Variants in IL17C observed in about 807,000 individuals in gnomAD.
IL17C encodes the protein interleukin-17C.
A neutral mutation model predicts 11.0 loss-of-function variants in IL17C; 13 were observed. The ratio of observed to expected loss-of-function variants is 1.18; its 90% CI spans 0.77 to 1.88. The LOEUF (loss-of-function observed/expected upper bound fraction) is 1.88. Ranked by LOEUF, IL17C falls within the 40% of genes most tolerant of loss-of-function variation. The pLI is 0.00. For synonymous variants in IL17C, 150 were observed against 125.8 expected, an observed-to-expected ratio of 1.19 and a Z score of -1.29; for missense variants, 357 against 278.2, an observed-to-expected ratio of 1.28 and a Z score of -2.01.
At chr16:88,638,798 C>T in intron 1 of IL17C, 151 bp downstream of exon 1, 1 of 1,299,212 alleles carries the variant, frequency 7.7e-7, no homozygotes, top group Admixed American at 1.8e-5. Flanking sequence ...GCTGCAGATC[C>T]TCGGAGCGCT....
Position 88,638,579 on chromosome 16 carries a change from C to G in IL17C, c.-63C>G. 1 of 1,610,286 alleles carries G rather than the reference C, an allele frequency of 6.2e-7. No individual in the cohort carries two copies. Among genetic ancestry groups the G allele is most frequent in the Non-Finnish European group, 8.5e-7 (1 of 1,179,210 alleles). ...GCTGCCAGGTGCATGGCCAGGTGCA[C>G]CTGTGGGATTGCCGCCAGGTGTGCA... On this transcript the variant is annotated 5_prime_UTR_variant, in exon 1 of 3. Coordinates refer to ENST00000244241, the MANE Select transcript of IL17C (RefSeq NM_013278.4).
At position 88,639,422 on chromosome 16, in the gene IL17C, GC is replaced by G; in HGVS notation, c.335+115del. On this transcript the variant is annotated intron_variant, in intron 2 of 2. Transcript: ENST00000244241. The surrounding 1 kb of genome is among the most constrained non-coding windows in gnomAD (Gnocchi z 5.1). ...GGTTCTCACCTGTCAAGTGGGCGTG[GC>G]CACCTGAGCTCCCTCCCTCCGGCCC... 9.5e-7 allele frequency: 1 copy of G among 1,049,690 alleles called. No individual in the cohort carries two copies. Among genetic ancestry groups the G allele is most frequent in the Non-Finnish European group, 1.3e-6 (1 of 748,616 alleles). The allele number at this position is 1,049,690 out of a possible 1,614,324, so 65.0% of individuals were successfully genotyped here. A position where few individuals can be genotyped will look rare whatever the true frequency, so the allele number is the denominator to read the frequency against.
In IL17C at chr16:88,639,733, A is replaced by C; in HGVS notation, c.336-81A>C. 1.4e-6 allele frequency: 2 copies of C among 1,430,728 alleles called. No individual in the cohort carries two copies. Among genetic ancestry groups the C allele is most frequent in the Non-Finnish European group, 1.8e-6 (2 of 1,085,178 alleles). The allele number at this position is 1,430,728 out of a possible 1,614,324, so 88.6% of individuals were successfully genotyped here. On this transcript the variant is annotated intron_variant, in intron 2 of 2. Transcript: ENST00000244241. The surrounding 1 kb of genome is among the most constrained non-coding windows in gnomAD (Gnocchi z 5.1). ...CTGCCTCAGGTCCTATCCTGAGTAC[A>C]CGGAGAGGGGCCCTGAGGGGAGAGG...
Position 88,638,575 on chromosome 16 carries a change from T to G in IL17C, c.-67T>G. Reference sequence around the variant, plus strand: ...GGCTGCTGCCAGGTGCATGGCCAGGTGCACCTGTGGGATTGCCGCCAGGTG... The same window carrying G: ...GGCTGCTGCCAGGTGCATGGCCAGGGGCACCTGTGGGATTGCCGCCAGGTG... On this transcript the variant is annotated 5_prime_UTR_variant, in exon 1 of 3. Coordinates refer to ENST00000244241, the MANE Select transcript of IL17C (RefSeq NM_013278.4). 6.2e-7 allele frequency: 1 copy of G among 1,608,530 alleles called. No homozygotes were observed. The highest frequency in any genetic ancestry group is 8.5e-7 in the Non-Finnish European group (1 of 1,177,826).
rs774669627 is a variant in IL17C, at chr16:88,639,873, G to A, written c.395G>A (p.Arg132Lys). Residue 132 changes from arginine (R) to lysine (K), a missense_variant, in exon 3 of 3, where the codon AGA becomes AAA. By Grantham distance (26) the Arg-to-Lys change is conservative. Transcript: ENST00000244241. This position sits in a 1 kb window ranked among gnomAD's most constrained non-coding sequence, Gnocchi z 5.1. The stretch of plus-strand genomic sequence containing the variant: ...CTGGCCTTCGCCGAGTGCCTGTGCA[G>A]AGGCTGTATCGATGCACGGACGGGC... ...QKLAFAECLC[R>K]GCIDARTGRE... 3 of 1,604,856 alleles carry A rather than the reference G, an allele frequency of 1.9e-6. No homozygotes were observed. In the South Asian group the frequency reaches 3.3e-5, roughly 18 times the overall value.
At position 88,638,647 on chromosome 16, in the gene IL17C, G is replaced by A. The variant is rs751103526; in HGVS notation, c.6G>A (p.Thr2=). The stretch of plus-strand genomic sequence containing the variant: ...CCTGCCCCGCTGCCGCCACCATGAC[G>A]GTGAGCCTCTCCACATGCCGCTCGG... M[T]LLPGLLFLTW... Residue 2 remains threonine (T), a splice_region_variant and synonymous_variant, in exon 1 of 3, where the codon ACG becomes ACA. Transcript: ENST00000244241. 1.8e-5 allele frequency: 29 copies of A among 1,612,800 alleles called. No homozygotes were observed. The highest frequency in any genetic ancestry group is 5.3e-5 in the African/African-American group (4 of 74,884).
chr16:88,638,734 G>A, intron 1 of IL17C, 87 bp downstream of exon 1: 1 of 1,598,108 alleles, frequency 6.3e-7, no homozygotes, highest in Non-Finnish European at 8.6e-7. Flanking sequence ...AGCCTGGGAG[G>A]AGGGTGTTGG....
rs575390764 is a variant in IL17C at position 88,639,248 on chromosome 16, C to G, written c.274C>G (p.Arg92Gly). 5 of 1,612,100 alleles carry G rather than the reference C, an allele frequency of 3.1e-6. No homozygotes were observed. The East Asian group carries it at 1.1e-4, about 36-fold the overall frequency. ...PSATTQCPVLRPEEVLEADTH... is the reference protein window; with the variant it reads ...PSATTQCPVLGPEEVLEADTH... ...AGCTACGACCCAGTGCCCGGTGCTG[C>G]GGCCGGAGGAGGTGTTGGAGGCAGA... Residue 92 changes from arginine (R) to glycine (G), a missense_variant, in exon 2 of 3, where the codon CGG (arginine) becomes GGG (glycine). Physicochemically the swap from Arg to Gly is moderately radical, Grantham distance 125. Coordinates refer to ENST00000244241, the MANE Select transcript of IL17C (RefSeq NM_013278.4). The surrounding 1 kb of genome is among the most constrained non-coding windows in gnomAD (Gnocchi z 5.1).
At chr16:88,638,940 C>A (rs749936058) in intron 1 of IL17C, 41 bp from the exon 2 acceptor site, 7 of 1,507,308 alleles carry the variant, frequency 4.6e-6, no homozygotes, top group Middle Eastern at 1.8e-4. Context: ...GTGCCCCCTG[C>A]CCTGGGCACC....
chr16:88,638,623 C>G lies in IL17C; in HGVS notation c.-19C>G. ...GTGTGCAGGCCGCTCCAAGCCCAGC[C>G]TGCCCCGCTGCCGCCACCATGACGG... On this transcript the variant is annotated 5_prime_UTR_variant, in exon 1 of 3. Transcript: ENST00000244241. The G allele has an allele frequency of 6.2e-7, 1 of 1,612,472 alleles. No individual in the cohort carries two copies. The highest frequency in any genetic ancestry group is 1.3e-5 in the African/African-American group (1 of 75,024).
At chr16:88,638,863 C>T in intron 1 of IL17C, 118 bp from the exon 2 acceptor site, 1 of 1,186,104 alleles carries the variant, frequency 8.4e-7, no homozygotes, top group Non-Finnish European at 1.2e-6. Context: ...TCAGTTTCCC[C>T]ATCTATAGAG....
chr16:88,640,449 T>C lies in IL17C; in HGVS notation c.*377T>C, dbSNP rs2142865498. 4.5e-6 allele frequency: 1 copy of C among 221,386 alleles called. No homozygotes were observed. The highest frequency in any genetic ancestry group is 1.0e-4 in the East Asian group (1 of 9,888). The allele number at this position is 221,386 out of a possible 1,614,324, so 13.7% of individuals were successfully genotyped here. ...AAACAATTATTTAAGTGTACGTGTA[T>C]TATTAAACTGATGAACACATCCCCA... is the stretch of plus-strand genomic sequence containing the variant. On this transcript the variant is annotated 3_prime_UTR_variant, in exon 3 of 3. Transcript: ENST00000244241.
In IL17C at chr16:88,639,260, G is replaced by A. The variant is rs1201841925; in HGVS notation, c.286G>A (p.Val96Met). The change falls in exon 2 of 3, where the codon GTG becomes ATG. Residue 96 changes from valine (V) to methionine (M), a missense_variant. By Grantham distance (21) the Val-to-Met change is conservative. Transcript: ENST00000244241. This position sits in a 1 kb window ranked among gnomAD's most constrained non-coding sequence, Gnocchi z 5.1. ...TQCPVLRPEEVLEADTHQRSI... is the reference protein window; with the variant it reads ...TQCPVLRPEEMLEADTHQRSI... Reference sequence around the variant, plus strand: ...GTGCCCGGTGCTGCGGCCGGAGGAGGTGTTGGAGGCAGACACCCACCAGCG... The same window carrying A: ...GTGCCCGGTGCTGCGGCCGGAGGAGATGTTGGAGGCAGACACCCACCAGCG... 3 of 1,611,828 alleles carry A rather than the reference G, an allele frequency of 1.9e-6. No homozygotes were observed. The highest frequency in any genetic ancestry group is 1.1e-5 in the South Asian group (1 of 91,004).
At position 88,639,265 on chromosome 16, in the gene IL17C, G is replaced by A; in HGVS notation, c.291G>A (p.Leu97=). The A allele has an allele frequency of 1.2e-6, 2 of 1,611,428 alleles. No homozygotes were observed. Among genetic ancestry groups the A allele is most frequent in the Non-Finnish European group, 8.5e-7 (1 of 1,179,382 alleles). ...QCPVLRPEEV[L]EADTHQRSIS... The stretch of plus-strand genomic sequence containing the variant: ...CGGTGCTGCGGCCGGAGGAGGTGTT[G>A]GAGGCAGACACCCACCAGCGCTCCA... Residue 97 remains leucine (L), a synonymous_variant, in exon 2 of 3, where the codon TTG becomes TTA. Transcript: ENST00000244241. The surrounding 1 kb of genome is among the most constrained non-coding windows in gnomAD (Gnocchi z 5.1).
In IL17C at chr16:88,639,177, C is replaced by G. The variant is rs746738732; in HGVS notation, c.203C>G (p.Ser68Cys). 6.2e-7 allele frequency: 1 copy of G among 1,612,868 alleles called. No individual in the cohort carries two copies. The highest frequency in any genetic ancestry group is 1.7e-5 in the Admixed American group (1 of 60,018). ...WGQALPVALV[S>C]SLEAASHRGR... Reference sequence around the variant, plus strand: ...CAGGCTTTGCCTGTAGCCCTGGTGTCCAGCCTGGAGGCAGCAAGCCACAGG... The same window carrying G: ...CAGGCTTTGCCTGTAGCCCTGGTGTGCAGCCTGGAGGCAGCAAGCCACAGG... Residue 68 changes from serine to cysteine, a missense_variant, in exon 2 of 3, where the codon TCC becomes TGC. Transcript: ENST00000244241. The surrounding 1 kb of genome is among the most constrained non-coding windows in gnomAD (Gnocchi z 5.1).
intron 1 of IL17C, 135 bp from the exon 2 acceptor site, chr16:88,638,846 C>T (rs1857586520): frequency 1.7e-6 from 2 of 1,161,348 alleles, no homozygotes; most frequent in African/African-American, 1.5e-5. Context: ...GCTAGCCTCT[C>T]TGGGCTTCAG....
rs1377725555 is a variant in IL17C, at chr16:88,639,393, T to C, written c.335+84T>C. ...ACTGCCCGGAGAGCTCTCTGGGCCT[T>C]GGTGGTTCTCACCTGTCAAGTGGGC... On this transcript the variant is annotated intron_variant, in intron 2 of 2. Transcript: ENST00000244241. The surrounding 1 kb of genome is among the most constrained non-coding windows in gnomAD (Gnocchi z 5.1). 5 of 1,359,390 alleles carry C rather than the reference T, an allele frequency of 3.7e-6. No homozygotes were observed. The East Asian group carries it at 7.6e-5, about 21-fold the overall frequency. The allele number at this position is 1,359,390 out of a possible 1,614,324, so 84.2% of individuals were successfully genotyped here.
chr16:88,640,015 C>A lies in IL17C; in HGVS notation c.537C>A (p.His179Gln). Reference sequence around the variant, plus strand: ...CCACACCTGGGGCCTTTGCCTTCCACACCGAGTTCATCCACGTCCCCGTCG... The same window carrying A: ...CCACACCTGGGGCCTTTGCCTTCCAAACCGAGTTCATCCACGTCCCCGTCG... ...GLPTPGAFAF[H>Q]TEFIHVPVGC... Residue 179 changes from histidine (H) to glutamine (Q), a missense_variant, in exon 3 of 3, where the codon CAC (histidine) becomes CAA (glutamine). Physicochemically the swap from His to Gln is conservative, Grantham distance 24. Coordinates refer to ENST00000244241, the MANE Select transcript of IL17C (RefSeq NM_013278.4). The A allele has an allele frequency of 6.2e-7, 1 of 1,602,272 alleles. No individual in the cohort carries two copies. Among genetic ancestry groups the A allele is most frequent in the Admixed American group, 1.7e-5 (1 of 59,232 alleles).
Position 88,639,854 on chromosome 16 carries a change from T to C in IL17C, c.376T>C (p.Phe126Leu), listed in dbSNP as rs368137320. Residue 126 changes from phenylalanine (F) to leucine (L), a missense_variant, in exon 3 of 3, where the codon TTC becomes CTC. Coordinates refer to ENST00000244241, the MANE Select transcript of IL17C (RefSeq NM_013278.4). The surrounding 1 kb of genome is among the most constrained non-coding windows in gnomAD (Gnocchi z 5.1). ...DEDRYPQKLA[F>L]AECLCRGCID... is the part of the protein sequence containing the mutation. ...GGACCGCTATCCACAGAAGCTGGCC[T>C]TCGCCGAGTGCCTGTGCAGAGGCTG... The C allele has an allele frequency of 2.2e-4, 352 of 1,592,304 alleles. 2 individuals are homozygous for C. Among genetic ancestry groups the C allele is most frequent in the East Asian group, 1.9e-3 (82 of 43,656 alleles).
Sources: allele counts gnomAD v4.1 joint callset, GRCh38; gene constraint gnomAD v4.1.1; non-coding constraint Gnocchi (gnomAD v3.1); transcripts MANE v1.5; gene names NCBI Gene and HGNC (gene_info 2026-07-23, HGNC 2026-07-21).